CNTN4: variants seen among roughly 807,000 people sequenced by gnomAD.
CNTN4 encodes contactin 4, also known as contactin-4.
CNTN4 carries 77 observed loss-of-function variants against 122.5 expected under a neutral mutation model. The ratio of observed to expected loss-of-function variants is 0.63; its 90% CI spans 0.52 to 0.76. The LOEUF is 0.76. Ranked by LOEUF, CNTN4 falls within the 30% of genes least tolerant of loss-of-function variation. CNTN4 has a pLI of 0.00. For missense variants in CNTN4, 1,256 were observed against 1,259.1 expected (o/e 1.00, Z 0.04); for synonymous variants, 512 against 447.0 (o/e 1.15, Z -1.83).
intron 4 of CNTN4, among the ~76,000 whole-genome samples, chr3:2,593,641 A>G (rs1037198904): frequency 1.3e-5 from 2 of 152,228 alleles, no homozygotes; most frequent in African/African-American, 4.8e-5. Context: ...TCTTATAAGA[A>G]TGTTACTGCC....
intron 13 of CNTN4, among the ~76,000 whole-genome samples, chr3:2,969,047 A>G (rs1692613986): frequency 6.6e-6 from 1 of 152,240 alleles, no homozygotes; most frequent in South Asian, 2.1e-4. Flanking sequence ...AAATTGTACT[A>G]AGTTTTGCAA....
intron 8 of CNTN4, among the ~76,000 whole-genome samples, chr3:2,880,356 T>C (rs1415949874): frequency 6.6e-6 from 1 of 152,208 alleles, no homozygotes; most frequent in Non-Finnish European, 1.5e-5. Flanking sequence ...GACCTCCTTC[T>C]CTCAAGGCAA....
At chr3:2,560,950 G>A (rs757969400) in intron 3 of CNTN4, among the ~76,000 whole-genome samples, 1 of 152,072 alleles carries the variant, frequency 6.6e-6, no homozygotes, top group Non-Finnish European at 1.5e-5. Flanking sequence ...TCTTATTTCT[G>A]CTTCTGATTA....
chr3:2,411,347 G>C (rs1185657081), intron 3 of CNTN4, among the ~76,000 whole-genome samples: 4 of 152,080 alleles, frequency 2.6e-5, no homozygotes, highest in African/African-American at 9.7e-5. Context: ...AAGCTAAAAA[G>C]AAGAAAAACT....
intron 2 of CNTN4, among the ~76,000 whole-genome samples, chr3:2,338,212 T>G (rs2044036679): frequency 6.6e-6 from 1 of 152,070 alleles, no homozygotes. Context: ...AGTCTCTACC[T>G]TCTGGTTGTT....
chr3:2,220,569 A>G (rs1456597237), intron 2 of CNTN4, among the ~76,000 whole-genome samples: 1 of 152,142 alleles, frequency 6.6e-6, no homozygotes, highest in African/African-American at 2.4e-5. Context: ...TTTCAGTTCT[A>G]TGTTACCTCC....
At chr3:2,416,887 C>A (rs1475681644) in intron 3 of CNTN4, among the ~76,000 whole-genome samples, 2 of 152,158 alleles carry the variant, frequency 1.3e-5, no homozygotes, top group African/African-American at 4.8e-5. Context: ...AGCTCCTGAC[C>A]TTGTGATCCA....
At chr3:2,253,867 G>T (rs1442267299) in intron 2 of CNTN4, among the ~76,000 whole-genome samples, 1 of 41,486 alleles carries the variant, frequency 2.4e-5, no homozygotes, top group East Asian at 7.3e-4. Flanking sequence ...GTGTCCTATT[G>T]CTTTCTGATT....
Position 3,056,233 on chromosome 3 carries a change from G to T in CNTN4, c.*13G>T. 1.9e-6 allele frequency: 3 copies of T among 1,587,398 alleles called. No individual in the cohort carries two copies. Among genetic ancestry groups the T allele is most frequent in the Non-Finnish European group, 2.6e-6 (3 of 1,155,560 alleles). ...GTCCAGTTTATGACAAAAGTTATCT[G>T]AAGGACTTGCTGTTTATAATATAAG... On this transcript the variant is annotated 3_prime_UTR_variant, in exon 25 of 25. Transcript: ENST00000418658.
At chr3:2,926,767 T>C (rs2094476923) in intron 13 of CNTN4, among the ~76,000 whole-genome samples, 1 of 110,392 alleles carries the variant, frequency 9.1e-6, no homozygotes, top group African/African-American at 3.3e-5. Context: ...GGTTTATAAA[T>C]GGTGTATTCA....
chr3:2,817,033 A>G (rs1181608767), intron 6 of CNTN4, among the ~76,000 whole-genome samples: 1 of 152,186 alleles, frequency 6.6e-6, no homozygotes, highest in Non-Finnish European at 1.5e-5. Context: ...AACTGTTAGG[A>G]TCTGGATAGA....
intron 2 of CNTN4, among the ~76,000 whole-genome samples, chr3:2,194,966 A>G (rs1411842275): frequency 2.6e-5 from 4 of 152,114 alleles, no homozygotes; most frequent in Non-Finnish European, 4.4e-5. Flanking sequence ...GAAACTATAT[A>G]TATATATTTA....
chr3:2,182,270 C>A (rs896893077), intron 2 of CNTN4, among the ~76,000 whole-genome samples: 10 of 151,980 alleles, frequency 6.6e-5, no homozygotes, highest in African/African-American at 2.4e-4. Flanking sequence ...TCTTTTTACA[C>A]ACACACACAT....
intron 2 of CNTN4, among the ~76,000 whole-genome samples, chr3:2,272,545 G>T (rs1172093249): frequency 6.6e-6 from 1 of 152,076 alleles, no homozygotes; most frequent in African/African-American, 2.4e-5. Context: ...AAAGATCTTT[G>T]TGCATACCAA....
intron 3 of CNTN4, among the ~76,000 whole-genome samples, chr3:2,536,687 A>G (rs902237467): frequency 1.3e-5 from 2 of 151,840 alleles, no homozygotes; most frequent in Admixed American, 1.3e-4. Flanking sequence ...GCCTCCCAAA[A>G]TGGTGGGATT....
chr3:2,852,814 G>A (rs1162926151), intron 7 of CNTN4, among the ~76,000 whole-genome samples: 1 of 152,128 alleles, frequency 6.6e-6, no homozygotes, highest in Non-Finnish European at 1.5e-5. Flanking sequence ...ATAGAACAAA[G>A]CATGGTCTTG....
intron 13 of CNTN4, among the ~76,000 whole-genome samples, chr3:2,943,961 T>C (rs1427750233): frequency 1.3e-5 from 2 of 152,142 alleles, no homozygotes; most frequent in African/African-American, 4.8e-5. Context: ...ACCCATATGA[T>C]GCACTTTGCC....
At chr3:2,669,947 G>T (rs2084403992) in intron 4 of CNTN4, among the ~76,000 whole-genome samples, 1 of 152,170 alleles carries the variant, frequency 6.6e-6, no homozygotes, top group East Asian at 1.9e-4. Flanking sequence ...ATTGCACTGT[G>T]GTCTGACAGA....
intron 2 of CNTN4, among the ~76,000 whole-genome samples, chr3:2,158,062 G>A (rs993918712): frequency 6.6e-6 from 1 of 151,524 alleles, no homozygotes; most frequent in African/African-American, 2.4e-5. Flanking sequence ...GAAGCTTCCA[G>A]GATTTCATAC....
Sources: gnomAD v4.1 joint callset for allele counts (sites outside exome capture counted in the v4.1 genomes callset) on GRCh38, gnomAD v4.1.1 for gene constraint, MANE v1.5 for transcripts, NCBI Gene and HGNC (gene_info 2026-07-23, HGNC 2026-07-21) for gene names.